The following FAM3A variants were observed in gnomAD, a reference collection of about 807,000 sequenced individuals.
FAM3A encodes FAM3 metabolism regulating signaling molecule A.
A neutral mutation model predicts 18.1 loss-of-function variants in FAM3A; 5 were observed. That is an observed-to-expected ratio of 0.28 (90% CI 0.14 to 0.58). The LOEUF (loss-of-function observed/expected upper bound fraction) is 0.58. FAM3A is among the 20% of genes least tolerant of loss of function. The probability of loss-of-function intolerance (pLI) is 0.91; values close to 1 mark genes in which losing one functional copy is unlikely to be tolerated. For synonymous variants in FAM3A, 108 were observed against 90.2 expected (o/e 1.20, Z -1.12); for missense variants, 154 against 216.6 (o/e 0.71, Z 1.81).
chrX:154,512,885 A>G lies in FAM3A; in HGVS notation c.65T>C (p.Val22Ala), dbSNP rs148149959. The change falls in exon 2 of 9, where the codon GTG (valine) becomes GCG (alanine). Residue 22 changes from valine to alanine, a missense_variant. Around this residue, in one of 3 missense-constraint regions of FAM3A, gnomAD observed 112 missense variants for 160.0 expected, o/e 0.70. Coordinates refer to ENST00000447601, the MANE Select transcript of FAM3A (RefSeq NM_021806.4). The part of the protein sequence containing the change: ...LVVSVGVTWI[V>A]VSILLGGPGS... ...AGGCCCACCCAGGAGGATGCTGACC[A>G]CGATCCATGTGACACCCACACTGAC... The G allele has an allele frequency of 8.3e-7, 1 of 1,209,914 alleles. No individual in the cohort carries two copies. Among genetic ancestry groups the G allele is most frequent in the African/African-American group, 1.7e-5 (1 of 57,219 alleles).
At chrX:154,512,374 G>A (rs1557223348) in intron 2 of FAM3A, 2 of 248,885 alleles carry the variant, frequency 8.0e-6, no homozygotes, top group Non-Finnish European at 1.5e-5. Context: ...AGGAGGTAGA[G>A]GTTGCAGTGA....
rs2069548860 is a variant in FAM3A, at chrX:154,506,772, G to A, written c.*39C>T. On this transcript the variant is annotated 3_prime_UTR_variant, in exon 9 of 9. Transcript: ENST00000447601. ...GCCCGGCAGCGCGCGTGCCTCCCTTGGTCTGGCCTCCCTCGGCCCGGTCCT... is the reference window on the plus strand; with the variant it reads ...GCCCGGCAGCGCGCGTGCCTCCCTTAGTCTGGCCTCCCTCGGCCCGGTCCT... The A allele has an allele frequency of 1.8e-6, 2 of 1,136,702 alleles. No homozygotes were observed. The highest frequency in any genetic ancestry group is 4.4e-5 in the Admixed American group (2 of 45,672). 93.7% of individuals were successfully genotyped at this position (1,136,702 alleles called of 1,213,427 possible).
At position 154,507,423 on chromosome X, in the gene FAM3A, G is replaced by A. The variant is rs182284907; in HGVS notation, c.453C>T (p.Tyr151=). Residue 151 remains tyrosine (Y), a synonymous_variant, in exon 7 of 9, where the codon TAC becomes TAT. Transcript: ENST00000447601. ...GCACCTACTTGGTGGCTGGGTCGTC[G>A]TAGGATGCCACGAACACCAGGGTGC... The part of the protein sequence containing the change: ...HEGTLVFVAS[Y]DDPATKMNEE... The A allele has an allele frequency of 3.1e-5, 38 of 1,209,911 alleles. No individual in the cohort carries two copies. The highest frequency in any genetic ancestry group is 2.3e-4 in the Middle Eastern group (1 of 4,334).
chrX:154,508,357 G>A lies in FAM3A; in HGVS notation c.276-10C>T, dbSNP rs782351698. Reference sequence around the variant, plus strand: ...GACGCTGCTCATCAGCCTAGTTGGGGGGGGGTGGGGGGGACGGGGAGATCC... The same window carrying A: ...GACGCTGCTCATCAGCCTAGTTGGGAGGGGGTGGGGGGGACGGGGAGATCC... On this transcript the variant is annotated splice_polypyrimidine_tract_variant and intron_variant, in intron 4 of 8. Coordinates refer to ENST00000447601, the MANE Select transcript of FAM3A (RefSeq NM_021806.4). 25 of 489,049 alleles carry A rather than the reference G, an allele frequency of 5.1e-5. No homozygotes were observed. The highest frequency in any genetic ancestry group is 4.4e-4 in the South Asian group (15 of 34,419). The allele number at this position is 489,049 out of a possible 1,213,427, so 40.3% of individuals were successfully genotyped here. A position where few individuals can be genotyped will look rare whatever the true frequency, so the allele number is the denominator to read the frequency against.
chrX:154,511,328 T>C (rs1167278172), intron 3 of FAM3A: 1 of 112,243 alleles, frequency 8.9e-6, no homozygotes, highest in Non-Finnish European at 1.9e-5. Context: ...TCTGATTTTA[T>C]AGCTTGGGCC....
Position 154,506,424 on chromosome X carries a change from A to C in FAM3A, c.*387T>G. ...GGCTCCAGAAGGGAGAGGTTCTGGA[A>C]GACGCCCCAACCTGCCGGGCTGCTC... is the stretch of plus-strand genomic sequence containing the variant. On this transcript the variant is annotated 3_prime_UTR_variant, in exon 9 of 9. Coordinates refer to ENST00000447601, the MANE Select transcript of FAM3A (RefSeq NM_021806.4). 1 of 195,777 alleles carries C rather than the reference A, an allele frequency of 5.1e-6. No homozygotes were observed. 16.1% of individuals were successfully genotyped at this position (195,777 alleles called of 1,213,427 possible).
Position 154,516,136 on chromosome X carries a change from C to T in FAM3A, c.-364G>A. The T allele has an allele frequency of 1.2e-5, 2 of 166,142 alleles. 1 individual carries two copies. Among genetic ancestry groups the T allele is most frequent in the African/African-American group, 6.0e-5 (2 of 33,516 alleles). The allele number at this position is 166,142 out of a possible 1,213,427, so 13.7% of individuals were successfully genotyped here. On this transcript the variant is annotated 5_prime_UTR_variant, in exon 1 of 9. Transcript: ENST00000447601. ...TTCTCTGGCCGTGGGGAGACGTGGG[C>T]TCGGTCAGGGAGGTTCCCTGTCAGG...
chrX:154,513,003 GC>G, intron 1 of FAM3A, 67 bp from the exon 2 acceptor site: 1 of 722,094 alleles, frequency 1.4e-6, no homozygotes, highest in Non-Finnish European at 2.1e-6. Flanking sequence ...TGACCCCATA[GC>G]CTTGCATGAC....
chrX:154,512,207 C>A, intron 2 of FAM3A: 1 of 233,476 alleles, frequency 4.3e-6, no homozygotes, highest in Non-Finnish European at 7.3e-6. Flanking sequence ...CATGGTGAAA[C>A]CCCATCTCTA....
intron 1 of FAM3A, among the ~76,000 whole-genome samples, chrX:154,514,464 C>T (rs1043401084): frequency 1.8e-5 from 2 of 109,022 alleles, no homozygotes; most frequent in Non-Finnish European, 3.8e-5. Flanking sequence ...AGTGCAGTGG[C>T]GTGATCTTGG....
intron 3 of FAM3A, chrX:154,508,968 G>A: frequency 3.6e-6 from 1 of 274,056 alleles, no homozygotes. Context: ...GGCAGGGGGT[G>A]CAGCCTGTCT....
At chrX:154,507,065 G>C (rs2069576105) in intron 8 of FAM3A, 138 bp downstream of exon 8, 4 of 946,895 alleles carry the variant, frequency 4.2e-6, no homozygotes, top group South Asian at 2.3e-5. Context: ...CATGGCATCA[G>C]CTGCACTGGC....
chrX:154,507,569 G>T lies in FAM3A; in HGVS notation c.386-79C>A, dbSNP rs189328968. 3.2e-5 allele frequency: 33 copies of T among 1,036,315 alleles called. 1 individual carries two copies. In the Middle Eastern group the frequency reaches 1.3e-3, roughly 40 times the overall value. 85.4% of individuals were successfully genotyped at this position (1,036,315 alleles called of 1,213,427 possible). On this transcript the variant is annotated intron_variant, in intron 6 of 8. Transcript: ENST00000447601. ...CCCACAAGCCCGTTCTCCAAACAAG[G>T]AAACAGAAGTAGGGATTGGGCCTGG...
intron 5 of FAM3A, among the ~76,000 whole-genome samples, 197 bp downstream of exon 5, chrX:154,508,092 C>T (rs781947702): frequency 1.5e-4 from 17 of 113,003 alleles, no homozygotes; most frequent in African/African-American, 5.4e-4. Flanking sequence ...CCAGAACCTT[C>T]CCTAGTTCTT....
At chrX:154,509,254 G>A (rs2069736192) in intron 3 of FAM3A, 1 of 127,920 alleles carries the variant, frequency 7.8e-6, no homozygotes, top group Admixed American at 8.1e-5. Context: ...GAGTGACACA[G>A]CCAGAGGCCA....
chrX:154,516,189 G>A lies in FAM3A; in HGVS notation c.-417C>T, dbSNP rs1014399243. Reference sequence around the variant, plus strand: ...CGCCGACCCGCTCCGCCCCGGGAGAGGACGCAAGGCCGCTGCGCAGGGTGG... The same window carrying A: ...CGCCGACCCGCTCCGCCCCGGGAGAAGACGCAAGGCCGCTGCGCAGGGTGG... On this transcript the variant is annotated 5_prime_UTR_variant, in exon 1 of 9. Coordinates refer to ENST00000447601, the MANE Select transcript of FAM3A (RefSeq NM_021806.4). 44 of 121,915 alleles carry A rather than the reference G, an allele frequency of 3.6e-4. No homozygotes were observed. Among genetic ancestry groups the A allele is most frequent in the Non-Finnish European group, 5.7e-4 (34 of 59,591 alleles). The allele number at this position is 121,915 out of a possible 1,213,427, so 10.0% of individuals were successfully genotyped here.
chrX:154,508,860 C>T (rs1557221108), intron 3 of FAM3A: 1 of 461,564 alleles, frequency 2.2e-6, no homozygotes, highest in Non-Finnish European at 4.1e-6. Flanking sequence ...GGCCACTGCA[C>T]AGCCAGGAAC....
chrX:154,515,718 G>A (rs1557225436), intron 1 of FAM3A, 42 bp downstream of exon 1: 1 of 1,199,074 alleles, frequency 8.3e-7, no homozygotes, highest in African/African-American at 1.7e-5. Context: ...CCAGCCAGGT[G>A]CCCTTTTCAA....
rs148414426 is a variant in FAM3A, at chrX:154,506,841, G to C, written c.663C>G (p.Gly221=). The part of the protein sequence containing the change: ...EGWPEALEME[G]CIPRRSTAS ...TGGCCGTGCTTCTCCGCGGGATACA[G>C]CCTTCCATCTCCAGCGCCTCGGGCC... Residue 221 remains glycine, a synonymous_variant, in exon 9 of 9, where the codon GGC becomes GGG. Transcript: ENST00000447601. 6 of 1,210,380 alleles carry C rather than the reference G, an allele frequency of 5.0e-6. No homozygotes were observed. The highest frequency in any genetic ancestry group is 6.7e-6 in the Non-Finnish European group (6 of 894,811).
Sources: allele counts gnomAD v4.1 joint callset (sites outside exome capture counted in the v4.1 genomes callset), GRCh38; gene constraint gnomAD v4.1.1; regional missense constraint gnomAD v4.1.1; transcripts MANE v1.5; gene names NCBI Gene and HGNC (gene_info 2026-07-23, HGNC 2026-07-21).